The following DCHS2 variants were observed in gnomAD, a reference collection of about 807,000 sequenced individuals.
DCHS2 encodes the protein dachsous cadherin-related 2.
In DCHS2, 142 loss-of-function variants were observed where a neutral mutation model predicts 182.4. The ratio of observed to expected loss-of-function variants is 0.78; its 90% CI spans 0.68 to 0.89. The LOEUF (loss-of-function observed/expected upper bound fraction) is 0.89. Among genes scored for constraint, DCHS2 ranks in the 40% least tolerant of loss-of-function variants. DCHS2 has a pLI of 0.00. For synonymous variants in DCHS2, 1,740 were observed against 1,663.3 expected (o/e 1.05, Z -1.12); for missense variants, 4,319 against 4,198.6 (o/e 1.03, Z -0.79).
At chr4:154,462,427 T>A (rs1234492710) in intron 1 of DCHS2, among the ~76,000 whole-genome samples, 1 of 152,142 alleles carries the variant, frequency 6.6e-6, no homozygotes, top group African/African-American at 2.4e-5. Context: ...ATCACAAACA[T>A]GTAAGGTAGG....
At position 154,298,410 on chromosome 4, in the gene DCHS2, A is replaced by T; in HGVS notation, c.5904T>A (p.Thr1968=). Residue 1968 remains threonine (T), a synonymous_variant, in exon 13 of 20, where the codon ACT becomes ACA. Transcript: ENST00000357232. ...VDKDEGLNGQ[T]EYFLTDEASG... is the part of the protein sequence containing the mutation. Reference sequence around the variant, plus strand: ...AAGCCTCATCAGTCAGAAAATACTCAGTTTGCCCATTCAGGCCTTCATCCT... The same window carrying T: ...AAGCCTCATCAGTCAGAAAATACTCTGTTTGCCCATTCAGGCCTTCATCCT... 1 of 1,614,174 alleles carries T rather than the reference A, an allele frequency of 6.2e-7. No homozygotes were observed. The highest frequency in any genetic ancestry group is 8.5e-7 in the Non-Finnish European group (1 of 1,180,022).
chr4:154,364,873 G>T (rs1477775756), intron 3 of DCHS2, among the ~76,000 whole-genome samples: 1 of 151,768 alleles, frequency 6.6e-6, no homozygotes, highest in African/African-American at 2.4e-5. Context: ...TCTACCCACT[G>T]TTTGGATCAG....
At chr4:154,323,460 G>C in intron 7 of DCHS2, 1 of 1,308,992 alleles carries the variant, frequency 7.6e-7, no homozygotes, top group Non-Finnish European at 1.0e-6. Flanking sequence ...CTCCCAGATA[G>C]CTGGGACTAC....
rs761045092 is a variant in DCHS2 at position 154,333,318 on chromosome 4, C to T, written c.2890G>A (p.Glu964Lys). The T allele has an allele frequency of 8.1e-6, 13 of 1,614,062 alleles. No homozygotes were observed. Among genetic ancestry groups the T allele is most frequent in the African/African-American group, 1.3e-5 (1 of 74,918 alleles). ...LGSAPACSST[E>K]VNITVMDVND... ...ACATCCATGACTGTTATGTTGACCT[C>T]GGTGCTGCTGCAGGCTGGGGCGCTG... The change falls in exon 5 of 20, where the codon GAG becomes AAG. Residue 964 changes from glutamate (E) to lysine (K), a missense_variant. Coordinates refer to ENST00000357232, the MANE Select transcript of DCHS2 (RefSeq NM_001358235.2).
intron 14 of DCHS2, among the ~76,000 whole-genome samples, chr4:154,262,525 C>A (rs1396012899): frequency 6.6e-6 from 1 of 152,102 alleles, no homozygotes; most frequent in Non-Finnish European, 1.5e-5. Flanking sequence ...GTTAATGTGC[C>A]AGTTATGGAA....
chr4:154,386,368 C>G (rs914984883), intron 1 of DCHS2, among the ~76,000 whole-genome samples: 6 of 152,174 alleles, frequency 3.9e-5, no homozygotes, highest in Non-Finnish European at 8.8e-5. Context: ...TTCTCTGTGC[C>G]TGCAAGGCCT....
rs1224471161 is a variant in DCHS2 at position 154,490,418 on chromosome 4, G to C, written c.938C>G (p.Ala313Gly). The C allele has an allele frequency of 1.3e-6, 2 of 1,533,588 alleles. No homozygotes were observed. The highest frequency in any genetic ancestry group is 2.5e-5 in the East Asian group (1 of 40,614). 95.0% of individuals were successfully genotyped at this position (1,533,588 alleles called of 1,614,324 possible). Residue 313 changes from alanine (A) to glycine (G), a missense_variant, in exon 1 of 20, where the codon GCC becomes GGC. Physicochemically the swap from Ala to Gly is moderately conservative, Grantham distance 60. Coordinates refer to ENST00000357232, the MANE Select transcript of DCHS2 (RefSeq NM_001358235.2). The part of the protein sequence containing the change: ...AAVREDAQPG[A>G]EVCRVRATDR... The stretch of plus-strand genomic sequence containing the variant: ...GGTGGCGCGCACGCGACAGACCTCG[G>C]CGCCCGGCTGGGCGTCCTCGCGCAC...
intron 10 of DCHS2, among the ~76,000 whole-genome samples, chr4:154,307,198 A>G (rs1304241204): frequency 3.3e-5 from 5 of 152,194 alleles, no homozygotes; most frequent in Non-Finnish European, 7.4e-5. Flanking sequence ...TTATAATCCT[A>G]CAGAACAAAC....
intron 1 of DCHS2, among the ~76,000 whole-genome samples, chr4:154,419,033 C>CAT (rs1386313732): frequency 2.6e-5 from 4 of 152,130 alleles, no homozygotes; most frequent in Non-Finnish European, 5.9e-5. Context: ...CACATGCAAA[C>CAT]ACACATGCAA....
chr4:154,449,625 G>A (rs532555244), intron 1 of DCHS2, among the ~76,000 whole-genome samples: 2 of 152,110 alleles, frequency 1.3e-5, no homozygotes, highest in South Asian at 2.1e-4. Context: ...CTCTTGCCTC[G>A]GCCTCCCAAA....
chr4:154,385,936 C>G (rs1476706156), intron 1 of DCHS2, among the ~76,000 whole-genome samples: 2 of 152,082 alleles, frequency 1.3e-5, no homozygotes, highest in Admixed American at 6.6e-5. Flanking sequence ...AAATCTCCAT[C>G]TGGGCTCCAG....
chr4:154,343,318 T>C, intron 3 of DCHS2: 1 of 623,370 alleles, frequency 1.6e-6, no homozygotes, highest in Non-Finnish European at 2.4e-6. Context: ...ACCAGCTGCA[T>C]TAGCCCCTAA....
chr4:154,329,699 T>C lies in DCHS2; in HGVS notation c.3742A>G (p.Asn1248Asp), dbSNP rs1212158609. The C allele has an allele frequency of 6.2e-7, 1 of 1,611,764 alleles. No homozygotes were observed. Among genetic ancestry groups the C allele is most frequent in the Non-Finnish European group, 8.5e-7 (1 of 1,179,766 alleles). ...KMNPNTGELI[N>D]WVALDREHRG... is the part of the protein sequence containing the mutation. The stretch of plus-strand genomic sequence containing the variant: ...TGCTCACGATCCAGTGCCACCCAAT[T>C]GATTAACTCTCCTGCAGAGTACAGA... The change falls in exon 6 of 20, where the codon AAT (asparagine) becomes GAT (aspartate). Residue 1248 changes from asparagine (N) to aspartate (D), a missense_variant. Physicochemically the swap from Asn to Asp is conservative, Grantham distance 23. Transcript: ENST00000357232.
At chr4:154,371,393 A>G (rs1242744211) in intron 2 of DCHS2, among the ~76,000 whole-genome samples, 2 of 152,106 alleles carry the variant, frequency 1.3e-5, no homozygotes, top group Non-Finnish European at 2.9e-5. Flanking sequence ...GAGTGCAGAA[A>G]GGAACGGGTA....
chr4:154,481,542 C>T (rs1735920161), intron 1 of DCHS2, among the ~76,000 whole-genome samples: 1 of 152,184 alleles, frequency 6.6e-6, no homozygotes, highest in Non-Finnish European at 1.5e-5. Flanking sequence ...CAGACAAGAG[C>T]CACCATGCCC....
chr4:154,364,459 C>T (rs2110765653), intron 3 of DCHS2, among the ~76,000 whole-genome samples: 1 of 152,302 alleles, frequency 6.6e-6, no homozygotes, highest in Middle Eastern at 3.4e-3. Flanking sequence ...GCAGTTAAGT[C>T]CTCAGTTAAG....
intron 14 of DCHS2, among the ~76,000 whole-genome samples, chr4:154,265,490 A>G (rs1048105295): frequency 2.6e-5 from 4 of 152,240 alleles, no homozygotes; most frequent in African/African-American, 7.2e-5. Flanking sequence ...CAAAAATGTC[A>G]GCGATCAGTT....
chr4:154,313,142 C>A (rs1735729713), intron 10 of DCHS2, among the ~76,000 whole-genome samples: 1 of 152,128 alleles, frequency 6.6e-6, no homozygotes, highest in Non-Finnish European at 1.5e-5. Context: ...ACGTTTGACA[C>A]CTTTGAGCGA....
intron 18 of DCHS2, among the ~76,000 whole-genome samples, chr4:154,239,756 A>T (rs1418192079): frequency 1.3e-5 from 2 of 152,046 alleles, no homozygotes; most frequent in African/African-American, 4.8e-5. Flanking sequence ...TGATCCGCCC[A>T]CCTCAGCCTC....
Sources: gnomAD v4.1 joint callset for allele counts (sites outside exome capture counted in the v4.1 genomes callset) on GRCh38, gnomAD v4.1.1 for gene constraint, MANE v1.5 for transcripts, NCBI Gene and HGNC (gene_info 2026-07-23, HGNC 2026-07-21) for gene names.